Variants in MAPK10 observed in about 807,000 individuals in gnomAD.
MAPK10 encodes the protein mitogen-activated protein kinase 10, also known as JNK3 alpha protein kinase.
Under a neutral mutation model 59.3 loss-of-function variants are expected in MAPK10, and 25 were observed. That is an observed-to-expected ratio of 0.42 (90% CI 0.31 to 0.59). The LOEUF (loss-of-function observed/expected upper bound fraction) is 0.59, where lower values mean the gene tolerates loss of function less well. Ranked by LOEUF, MAPK10 falls within the 20% of genes least tolerant of loss-of-function variation. The pLI, the probability that MAPK10 is intolerant of heterozygous loss-of-function variation, is 0.15. For missense variants in MAPK10, 351 were observed against 568.9 expected (o/e 0.62, Z 3.90); for synonymous variants, 190 against 200.5 (o/e 0.95, Z 0.44).
intron 1 of MAPK10, among the ~76,000 whole-genome samples, chr4:86,548,613 A>G (rs1178692780): frequency 1.3e-5 from 2 of 152,208 alleles, no homozygotes; most frequent in South Asian, 4.1e-4. Context: ...GCCTTCCACC[A>G]TGATTGAAAG....
chr4:86,045,682 T>C (rs1435457156), intron 11 of MAPK10, among the ~76,000 whole-genome samples: 1 of 151,860 alleles, frequency 6.6e-6, no homozygotes, highest in Non-Finnish European at 1.5e-5. Flanking sequence ...GCTTGGGAAC[T>C]CCTTCCTTAT....
Position 86,098,545 on chromosome 4 carries a change from T to C in MAPK10, c.781A>G (p.Ile261Val). The change falls in exon 9 of 14, where the codon ATC (isoleucine) becomes GTC (valine). Residue 261 changes from isoleucine (I) to valine (V), a missense_variant. Ile to Val is a conservative substitution (Grantham distance 29, BLOSUM62 3). Coordinates refer to ENST00000641462, the MANE Select transcript of MAPK10 (RefSeq NM_138982.4). The part of the protein sequence containing the change: ...CIMGEMVRHK[I>V]LFPGRDYIDQ... The stretch of plus-strand genomic sequence containing the variant: ...ATACAGTCCCTTCCTGGAAAGAGGA[T>C]TTTGTGGCGAACCATTTCTCCCATA... 1 of 1,613,374 alleles carries C rather than the reference T, an allele frequency of 6.2e-7. No individual in the cohort carries two copies. Among genetic ancestry groups the C allele is most frequent in the Non-Finnish European group, 8.5e-7 (1 of 1,179,418 alleles).
chr4:86,170,181 T>C (rs1464668046), intron 3 of MAPK10, among the ~76,000 whole-genome samples: 1 of 151,656 alleles, frequency 6.6e-6, no homozygotes, highest in African/African-American at 2.4e-5. Flanking sequence ...GCTAACATCA[T>C]AATGACAGGA....
intron 4 of MAPK10, among the ~76,000 whole-genome samples, chr4:86,116,443 A>G (rs978727022): frequency 6.6e-6 from 1 of 152,232 alleles, no homozygotes; most frequent in African/African-American, 2.4e-5. Flanking sequence ...TGACTGTTAC[A>G]TCTTTCATAA....
chr4:86,357,633 C>T (rs1735180237), intron 1 of MAPK10: 1 of 152,128 alleles, frequency 6.6e-6, no homozygotes, highest in South Asian at 2.1e-4. Context: ...TAGCTGCAGA[C>T]ATACCAGACA....
Position 86,540,456 on chromosome 4 carries a change from C to T in MAPK10, c.-263+53454G>A, listed in dbSNP as rs772470963. ...CGGAGGTTGCAGTGAGCCGGGATCA[C>T]ATCACTTCACTCCAGCCTAGGCAAC... On this transcript the variant is annotated intron_variant, in intron 1 of 4. Coordinates refer to the MAPK10 transcript ENST00000502302. 6.2e-4 allele frequency among the ~76,000 whole-genome samples: 95 copies of T among 152,144 alleles called. 1 individual carries two copies. Among genetic ancestry groups the T allele is most frequent in the Middle Eastern group, 3.4e-3 (1 of 294 alleles).
chr4:86,462,640 A>G (rs1751848969), intron 1 of MAPK10, among the ~76,000 whole-genome samples: 2 of 152,152 alleles, frequency 1.3e-5, no homozygotes, highest in African/African-American at 2.4e-5. Context: ...AAGTATATCA[A>G]AGTAGTTATA....
At chr4:86,283,655 AC>A (rs1222710974) in intron 2 of MAPK10, among the ~76,000 whole-genome samples, 14 of 152,204 alleles carry the variant, frequency 9.2e-5, no homozygotes, top group African/African-American at 3.4e-4. Context: ...GATGATGCTG[AC>A]AAAAGGGAGT....
At chr4:86,230,447 T>A (rs1339434134) in intron 2 of MAPK10, among the ~76,000 whole-genome samples, 1 of 152,204 alleles carries the variant, frequency 6.6e-6, no homozygotes, top group African/African-American at 2.4e-5. Context: ...CTACTAATTT[T>A]AAAAATTTTA....
At chr4:86,089,194 TAAG>T in intron 9 of MAPK10, 2 of 1,604,892 alleles carry the variant, frequency 1.2e-6, no homozygotes, top group Non-Finnish European at 8.5e-7. Flanking sequence ...CACTGGCTGC[TAAG>T]AAGGATACGA....
At chr4:86,021,562 A>G (rs1746888550) in intron 13 of MAPK10, among the ~76,000 whole-genome samples, 1 of 152,360 alleles carries the variant, frequency 6.6e-6, no homozygotes, top group Non-Finnish European at 1.5e-5. Context: ...ATCCCGTACC[A>G]GGGCTGCAGG....
intron 4 of MAPK10, among the ~76,000 whole-genome samples, chr4:86,146,974 G>A (rs890782550): frequency 1.3e-5 from 2 of 152,136 alleles, no homozygotes; most frequent in African/African-American, 4.8e-5. Flanking sequence ...TGTCTAATAT[G>A]AGTCAGTAAC....
chr4:86,234,231 A>G (rs2091962753), intron 2 of MAPK10, among the ~76,000 whole-genome samples: 1 of 152,170 alleles, frequency 6.6e-6, no homozygotes, highest in Admixed American at 6.5e-5. Context: ...ACAGCATCAT[A>G]GAGACAAAAA....
rs12509430 is a variant in MAPK10 at position 86,547,046 on chromosome 4, C to T, written c.-263+46864G>A. Among the ~76,000 whole-genome samples, 1,439 of 152,210 alleles carry T rather than the reference C, an allele frequency of 9.5e-3. 6 individuals are homozygous for T. Among genetic ancestry groups the T allele is most frequent in the Non-Finnish European group, 0.014 (955 of 67,994 alleles). On this transcript the variant is annotated intron_variant, in intron 1 of 4. Transcript: ENST00000502302. ...CAGCCTGGGCGACAGAGCGAGACTC[C>T]GTCTAAAAACAAACAAAAAAAAAGT...
chr4:86,118,971 C>A (rs1308948950), intron 4 of MAPK10, among the ~76,000 whole-genome samples: 2 of 152,184 alleles, frequency 1.3e-5, no homozygotes, highest in African/African-American at 4.8e-5. Flanking sequence ...TTGGCTAACC[C>A]CATTTGTGAT....
intron 2 of MAPK10, among the ~76,000 whole-genome samples, chr4:86,263,178 G>A (rs1583688299): frequency 6.6e-6 from 1 of 152,196 alleles, no homozygotes; most frequent in African/African-American, 2.4e-5. Context: ...TTCCTCAGGA[G>A]ATCACATTGT....
chr4:86,542,233 T>TG, intron 1 of MAPK10, among the ~76,000 whole-genome samples: 1 of 152,160 alleles, frequency 6.6e-6, no homozygotes, highest in East Asian at 1.9e-4. Flanking sequence ...CTTGGCACCC[T>TG]GGGCCAGCCA....
At chr4:86,528,941 T>C (rs765713065) in intron 1 of MAPK10, among the ~76,000 whole-genome samples, 1 of 152,162 alleles carries the variant, frequency 6.6e-6, no homozygotes, top group Non-Finnish European at 1.5e-5. Flanking sequence ...CAGTTTTAGA[T>C]TGAAAGTTTT....
chr4:86,474,931 G>C (rs1402315882), intron 1 of MAPK10, among the ~76,000 whole-genome samples: 9 of 152,150 alleles, frequency 5.9e-5, no homozygotes, highest in Admixed American at 5.9e-4. Flanking sequence ...AAGTGAAAAT[G>C]GCCGGTCCTT....
Sources: gnomAD v4.1 joint callset for allele counts (sites outside exome capture counted in the v4.1 genomes callset) on GRCh38, gnomAD v4.1.1 for gene constraint, MANE v1.5 for transcripts, NCBI Gene and HGNC (gene_info 2026-07-23, HGNC 2026-07-21) for gene names.